FBXW4: variants seen among roughly 807,000 people sequenced by gnomAD.
The protein encoded by FBXW4 is F-box and WD repeat domain containing 4, also known as F-box/WD repeat-containing protein 4.
FBXW4 carries 40 observed loss-of-function variants against 61.8 expected under a neutral mutation model. The ratio of observed to expected loss-of-function variants is 0.65; its 90% CI spans 0.50 to 0.84. The LOEUF is 0.84. Among genes scored for constraint, FBXW4 ranks in the 40% least tolerant of loss-of-function variants. The pLI, the probability that FBXW4 is intolerant of heterozygous loss-of-function variation, is 0.00. For synonymous variants in FBXW4, 311 were observed against 313.8 expected, an observed-to-expected ratio of 0.99 and a Z score of 0.10; for missense variants, 672 against 753.8, an observed-to-expected ratio of 0.89 and a Z score of 1.27.
At chr10:101,673,116 C>T in intron 3 of FBXW4, 69 bp from the exon 4 acceptor site, 3 of 1,561,204 alleles carry the variant, frequency 1.9e-6, no homozygotes, top group Non-Finnish European at 2.6e-6. Flanking sequence ...AACAACTCTC[C>T]AGAAACAGCC....
chr10:101,667,161 G>A (rs2064310480), intron 5 of FBXW4, among the ~76,000 whole-genome samples: 1 of 150,386 alleles, frequency 6.6e-6, no homozygotes, highest in South Asian at 2.1e-4. Flanking sequence ...AACCTGGGAG[G>A]CAGAGCTTGC....
intron 5 of FBXW4, among the ~76,000 whole-genome samples, chr10:101,635,001 G>C (rs2063989008): frequency 7.0e-6 from 1 of 143,578 alleles, no homozygotes; most frequent in Non-Finnish European, 1.6e-5. Context: ...ACCTGTACCA[G>C]TCCATGGCCT....
intron 5 of FBXW4, among the ~76,000 whole-genome samples, chr10:101,657,869 C>T (rs1249031964): frequency 2.0e-5 from 3 of 152,164 alleles, no homozygotes; most frequent in Non-Finnish European, 4.4e-5. Flanking sequence ...TCAGTATCAA[C>T]ACAACCTTTA....
At chr10:101,684,114 C>T (rs1024132024) in intron 1 of FBXW4, among the ~76,000 whole-genome samples, 2 of 152,110 alleles carry the variant, frequency 1.3e-5, no homozygotes, top group Non-Finnish European at 2.9e-5. Flanking sequence ...CAGGCACATG[C>T]CACTCCTACC....
At chr10:101,682,837 T>C (rs1320120457) in intron 1 of FBXW4, among the ~76,000 whole-genome samples, 6 of 150,218 alleles carry the variant, frequency 4.0e-5, no homozygotes, top group African/African-American at 1.5e-4. Context: ...ATTTAGACTT[T>C]GAAAAAAAAA....
intron 5 of FBXW4, among the ~76,000 whole-genome samples, chr10:101,631,789 G>A (rs1355162992): frequency 1.3e-5 from 2 of 152,054 alleles, no homozygotes; most frequent in African/African-American, 2.4e-5. Context: ...CACCACGCCT[G>A]GCTAATTTTT....
chr10:101,689,689 G>GGGTTAGGAAACT (rs903610240), intron 1 of FBXW4, among the ~76,000 whole-genome samples: 4 of 152,194 alleles, frequency 2.6e-5, no homozygotes, highest in African/African-American at 4.8e-5. Flanking sequence ...TCTCCATTCA[G>GGGTTAGGAAACT]GGTTAGGAAA....
In FBXW4 at chr10:101,624,777, G is replaced by A; in HGVS notation, c.1269C>T (p.His423=). The A allele has an allele frequency of 3.1e-6, 5 of 1,614,262 alleles. No individual in the cohort carries two copies. Among genetic ancestry groups the A allele is most frequent in the Admixed American group, 1.7e-5 (1 of 60,032 alleles). The change falls in exon 6 of 9, where the codon CAC becomes CAT. Residue 423 remains histidine, a synonymous_variant. Coordinates refer to ENST00000331272, the MANE Select transcript of FBXW4 (RefSeq NM_022039.4). ...GGTCCCAGATTCTCAGGGGTGAGAA[G>A]TGCCCGCAACAAGCCGTCCCTGTCA... ...SFVTGTACCG[H]FSPLRIWDLN...
At position 101,634,554 on chromosome 10, in the gene FBXW4, G is replaced by C. The variant is rs1020919189; in HGVS notation, c.1236-9744C>G. ...ATATTCATGCTGAAATAGGTGAATA[G>C]ATCAGTGGATCAGAATAACGAATCC... On this transcript the variant is annotated intron_variant, in intron 5 of 8. Coordinates refer to ENST00000331272, the MANE Select transcript of FBXW4 (RefSeq NM_022039.4). Among the ~76,000 whole-genome samples, 11 of 149,218 alleles carry C rather than the reference G, an allele frequency of 7.4e-5. 1 individual carries two copies. The highest frequency in any genetic ancestry group is 2.8e-4 in the African/African-American group (11 of 39,830).
chr10:101,649,098 G>T (rs546623607), intron 5 of FBXW4, among the ~76,000 whole-genome samples: 1 of 152,010 alleles, frequency 6.6e-6, no homozygotes, highest in Non-Finnish European at 1.5e-5. Context: ...CCCCAAAGAG[G>T]CTGCTGTACT....
Position 101,636,886 on chromosome 10 carries a change from G to A in FBXW4, c.1236-12076C>T, listed in dbSNP as rs1175437139. Among the ~76,000 whole-genome samples, 9 of 151,944 alleles carry A rather than the reference G, an allele frequency of 5.9e-5. No homozygotes were observed. The South Asian group carries it at 8.3e-4, about 14-fold the overall frequency. On this transcript the variant is annotated intron_variant, in intron 5 of 8. Coordinates refer to ENST00000331272, the MANE Select transcript of FBXW4 (RefSeq NM_022039.4). ...TTACAGGCATGAGCCACTGCACCCA[G>A]CCCAGGATTACATTTAAAAAGTATC...
At chr10:101,691,070 T>C (rs1383127170) in intron 1 of FBXW4, among the ~76,000 whole-genome samples, 1 of 152,202 alleles carries the variant, frequency 6.6e-6, no homozygotes, top group Non-Finnish European at 1.5e-5. Context: ...CTAGGGCCAG[T>C]GAGGTTATGT....
At position 101,631,911 on chromosome 10, in the gene FBXW4, G is replaced by A. The variant is rs571284655; in HGVS notation, c.1236-7101C>T. ...CAAAGTGCTGGGATTATAGGCGTGA[G>A]CCACCGTGCCCAGCCATTATTTACA... On this transcript the variant is annotated intron_variant, in intron 5 of 8. Transcript: ENST00000331272. 1.1e-4 allele frequency among the ~76,000 whole-genome samples: 17 copies of A among 152,314 alleles called. 1 individual carries two copies. In the South Asian group the frequency reaches 3.5e-3, roughly 32 times the overall value.
chr10:101,633,512 G>A (rs1350866109), intron 5 of FBXW4, among the ~76,000 whole-genome samples: 4 of 151,956 alleles, frequency 2.6e-5, no homozygotes, highest in Admixed American at 2.6e-4. Context: ...TGGGTGGATG[G>A]GTACAGCAAA....
chr10:101,612,570 C>A, intron 6 of FBXW4, 93 bp from the exon 7 acceptor site: 1 of 1,317,494 alleles, frequency 7.6e-7, no homozygotes, highest in South Asian at 2.1e-5. Context: ...GGGAAATGTT[C>A]TCTTTCCTCA....
chr10:101,619,613 A>G (rs1248084183), intron 6 of FBXW4, among the ~76,000 whole-genome samples: 2 of 151,548 alleles, frequency 1.3e-5, no homozygotes, highest in Non-Finnish European at 2.9e-5. Context: ...GAGCCGAGAT[A>G]GCACCACTGT....
At chr10:101,639,226 T>C (rs2064030034) in intron 5 of FBXW4, among the ~76,000 whole-genome samples, 1 of 152,196 alleles carries the variant, frequency 6.6e-6, no homozygotes, top group Non-Finnish European at 1.5e-5. Context: ...CCACTGCTCA[T>C]TCATACAACC....
intron 5 of FBXW4, chr10:101,626,923 G>C (rs1441552516): frequency 6.6e-6 from 1 of 152,286 alleles, no homozygotes; most frequent in Non-Finnish European, 1.5e-5. Context: ...GATGAGGGTG[G>C]TGTGGGGATG....
In FBXW4 at chr10:101,694,294, TG is replaced by T; in HGVS notation, c.725+86del. On this transcript the variant is annotated intron_variant, in intron 1 of 8. Coordinates refer to ENST00000331272, the MANE Select transcript of FBXW4 (RefSeq NM_022039.4). This position sits in a 1 kb window ranked among gnomAD's most constrained non-coding sequence, Gnocchi z 6.0. Reference sequence around the variant, plus strand: ...AGAAACTCGGGGTGCGACACGACCCTGGGCCGACCAGGCCGCGGCGCCCCGC... The same window carrying T: ...AGAAACTCGGGGTGCGACACGACCCTGGCCGACCAGGCCGCGGCGCCCCGC... The T allele has an allele frequency of 7.9e-7, 1 of 1,268,916 alleles. No homozygotes were observed. Among genetic ancestry groups the T allele is most frequent in the Non-Finnish European group, 1.0e-6 (1 of 989,608 alleles). 78.6% of individuals were successfully genotyped at this position (1,268,916 alleles called of 1,614,324 possible).
Sources: allele counts gnomAD v4.1 joint callset (sites outside exome capture counted in the v4.1 genomes callset), GRCh38; gene constraint gnomAD v4.1.1; non-coding constraint Gnocchi (gnomAD v3.1); transcripts MANE v1.5; gene names NCBI Gene and HGNC (gene_info 2026-07-23, HGNC 2026-07-21).